The following UNC5C variants were observed in gnomAD, a reference collection of about 807,000 sequenced individuals.
UNC5C encodes netrin receptor UNC5C.
UNC5C carries 47 observed loss-of-function variants against 99.8 expected under a neutral mutation model. The observed-to-expected ratio is 0.47, with a 90% CI of 0.37 to 0.60. UNC5C has a LOEUF of 0.60. UNC5C is among the 20% of genes least tolerant of loss of function. The pLI is 0.00. For missense variants in UNC5C, 1,062 were observed against 1,165.9 expected (o/e 0.91, Z 1.30); for synonymous variants, 487 against 452.2 (o/e 1.08, Z -0.98).
At chr4:95,305,124 A>G (rs1299679167) in intron 2 of UNC5C, among the ~76,000 whole-genome samples, 1 of 152,228 alleles carries the variant, frequency 6.6e-6, no homozygotes, top group East Asian at 1.9e-4. Context: ...TGTCCCATTC[A>G]GGAGGAGCTG....
chr4:95,219,874 G>T, intron 8 of UNC5C, 111 bp downstream of exon 8: 2 of 1,151,564 alleles, frequency 1.7e-6, no homozygotes, highest in Non-Finnish European at 2.5e-6. Context: ...AACTCAAATT[G>T]CTGTCTTCAT....
At chr4:95,486,487 C>T (rs750265324) in intron 1 of UNC5C, among the ~76,000 whole-genome samples, 3 of 151,582 alleles carry the variant, frequency 2.0e-5, no homozygotes, top group Non-Finnish European at 4.4e-5. Flanking sequence ...CTACACTTGA[C>T]ACACTGGTTT....
intron 1 of UNC5C, among the ~76,000 whole-genome samples, chr4:95,498,468 C>T (rs1312997465): frequency 6.6e-6 from 1 of 151,824 alleles, no homozygotes; most frequent in Non-Finnish European, 1.5e-5. Context: ...GAAAACATTC[C>T]ATCTTTTCTA....
intron 2 of UNC5C, among the ~76,000 whole-genome samples, chr4:95,311,567 T>C (rs1170309209): frequency 1.3e-5 from 2 of 152,184 alleles, no homozygotes; most frequent in Non-Finnish European, 2.9e-5. Flanking sequence ...TTTAACAAAA[T>C]GATGCCTGTT....
intron 14 of UNC5C, among the ~76,000 whole-genome samples, chr4:95,175,997 C>T (rs561477975): frequency 4.5e-4 from 69 of 151,952 alleles, no homozygotes; most frequent in African/African-American, 1.6e-3. Flanking sequence ...TTCACTTCAT[C>T]TTCCATCGCT....
intron 11 of UNC5C, among the ~76,000 whole-genome samples, chr4:95,205,643 T>C: frequency 6.6e-6 from 1 of 152,060 alleles, no homozygotes; most frequent in South Asian, 2.1e-4. Context: ...TAACTTCCTA[T>C]TTTATATGTT....
At chr4:95,391,865 C>A (rs561404497) in intron 1 of UNC5C, among the ~76,000 whole-genome samples, 1 of 151,928 alleles carries the variant, frequency 6.6e-6, no homozygotes, top group Admixed American at 6.6e-5. Flanking sequence ...TCACTTGAGA[C>A]CATGAGTTTG....
At chr4:95,184,977 A>ATGTC (rs1736772300) in intron 13 of UNC5C, 70 bp downstream of exon 13, 2 of 1,424,256 alleles carry the variant, frequency 1.4e-6, no homozygotes, top group East Asian at 2.4e-5. Context: ...GGGATTTCCT[A>ATGTC]TGTCTATATA....
intron 8 of UNC5C, among the ~76,000 whole-genome samples, chr4:95,219,751 G>A (rs986147802): frequency 5.3e-5 from 8 of 152,108 alleles, no homozygotes; most frequent in African/African-American, 1.7e-4. Context: ...TACTCTTTTC[G>A]ATTAGAAGTT....
chr4:95,201,628 G>T (rs1429673694), intron 12 of UNC5C, among the ~76,000 whole-genome samples: 2 of 149,942 alleles, frequency 1.3e-5, no homozygotes, highest in African/African-American at 4.9e-5. Flanking sequence ...TTTTCAGACA[G>T]AGTTTCACTC....
chr4:95,177,438 A>G (rs1385774363), intron 14 of UNC5C, among the ~76,000 whole-genome samples: 1 of 152,098 alleles, frequency 6.6e-6, no homozygotes, highest in East Asian at 1.9e-4. Context: ...GCACCGCTTC[A>G]GTGGCCTCCC....
intron 1 of UNC5C, among the ~76,000 whole-genome samples, chr4:95,546,920 C>A (rs903044108): frequency 9.2e-5 from 14 of 152,082 alleles, no homozygotes; most frequent in Admixed American, 5.9e-4. Flanking sequence ...GTTCTCTCAC[C>A]GTGCCCCGTC....
At chr4:95,176,825 G>A (rs2149347049) in intron 14 of UNC5C, among the ~76,000 whole-genome samples, 1 of 152,358 alleles carries the variant, frequency 6.6e-6, no homozygotes, top group Non-Finnish European at 1.5e-5. Context: ...GCAATGGCGG[G>A]GGCCCCTCCC....
intron 1 of UNC5C, among the ~76,000 whole-genome samples, chr4:95,482,844 C>A (rs193015703): frequency 0.013 from 1,587 of 120,594 alleles, 57 homozygotes; most frequent in African/African-American, 0.053. Context: ...GAACATCACA[C>A]TCGGGGGACT....
chr4:95,245,057 G>T lies in UNC5C; in HGVS notation c.863C>A (p.Thr288Asn). The T allele has an allele frequency of 3.1e-6, 5 of 1,614,080 alleles. No individual in the cohort carries two copies. Among genetic ancestry groups the T allele is most frequent in the Non-Finnish European group, 3.4e-6 (4 of 1,179,998 alleles). ...ACCCCCATTGAGTGGTGCCGGGTTG[G>T]TACAAGTCCTTGTACGTTTCTGATA... The part of the protein sequence containing the change: ...RGYQKRTRTC[T>N]NPAPLNGGAF... Residue 288 changes from threonine (T) to asparagine (N), a missense_variant, in exon 6 of 16, where the codon ACC (threonine) becomes AAC (asparagine). Around this residue, in one of 3 missense-constraint regions of UNC5C, gnomAD observed 810 missense variants for 854.5 expected, o/e 0.95. Coordinates refer to ENST00000453304, the MANE Select transcript of UNC5C (RefSeq NM_003728.4).
At chr4:95,224,152 G>C (rs1192173409) in intron 7 of UNC5C, among the ~76,000 whole-genome samples, 2 of 152,246 alleles carry the variant, frequency 1.3e-5, no homozygotes, top group Admixed American at 1.3e-4. Context: ...GCATGGTGGC[G>C]CGTGCCTGTG....
chr4:95,306,580 A>G (rs897904724), intron 2 of UNC5C, among the ~76,000 whole-genome samples: 1 of 152,328 alleles, frequency 6.6e-6, no homozygotes, highest in Non-Finnish European at 1.5e-5. Context: ...ACACATTTTC[A>G]TGATAGTGAA....
In UNC5C at chr4:95,162,659, G is replaced by C. The variant is rs1053592103; in HGVS notation, c.*6575C>G. 6.6e-6 allele frequency: 1 copy of C among 152,116 alleles called. No homozygotes were observed. The highest frequency in any genetic ancestry group is 1.5e-5 in the Non-Finnish European group (1 of 68,040). 9.4% of individuals were successfully genotyped at this position (152,116 alleles called of 1,614,324 possible). A position where few individuals can be genotyped will look rare whatever the true frequency, so the allele number is the denominator to read the frequency against. ...CCAGGGAGAGAAAAGAGGCACACCC[G>C]GAGCTGGTATCCCTCACCTCCACCA... On this transcript the variant is annotated 3_prime_UTR_variant, in exon 16 of 16. Coordinates refer to ENST00000453304, the MANE Select transcript of UNC5C (RefSeq NM_003728.4).
chr4:95,344,734 T>C (rs559051169), intron 1 of UNC5C, among the ~76,000 whole-genome samples: 2 of 152,258 alleles, frequency 1.3e-5, no homozygotes, highest in Admixed American at 1.3e-4. Context: ...ATTAGTTTTC[T>C]GTTTGCTTGT....
Sources: allele counts gnomAD v4.1 joint callset (sites outside exome capture counted in the v4.1 genomes callset), GRCh38; gene constraint gnomAD v4.1.1; regional missense constraint gnomAD v4.1.1; transcripts MANE v1.5; gene names NCBI Gene and HGNC (gene_info 2026-07-23, HGNC 2026-07-21).